Variants in TMEM45A observed in about 807,000 individuals in gnomAD.
TMEM45A encodes the protein transmembrane protein 45A, also known as DNA polymerase-transactivated protein 4.
In TMEM45A, 25 loss-of-function variants were observed where a neutral mutation model predicts 32.0. The observed-to-expected ratio is 0.78, with a 90% CI of 0.57 to 1.09. TMEM45A has a LOEUF of 1.09. Among genes scored for constraint, TMEM45A ranks in the 50% least tolerant of loss-of-function variants. The pLI is 0.00. For synonymous variants in TMEM45A, 122 were observed against 114.8 expected (o/e 1.06, Z -0.40); for missense variants, 302 against 325.0 (o/e 0.93, Z 0.54).
chr3:100,554,251 G>A (rs982830472), intron 1 of TMEM45A, among the ~76,000 whole-genome samples: 2 of 151,922 alleles, frequency 1.3e-5, no homozygotes, highest in African/African-American at 4.8e-5. Context: ...TCCACTATGT[G>A]GCAATAATGT....
intron 1 of TMEM45A, among the ~76,000 whole-genome samples, chr3:100,507,164 G>A (rs1375952639): frequency 6.6e-6 from 1 of 152,096 alleles, no homozygotes; most frequent in South Asian, 2.1e-4. Flanking sequence ...CTATTTGTCC[G>A]ATTCTCTCCC....
rs577941758 is a variant in TMEM45A, at chr3:100,520,230, T to C, written c.-4+27302T>C. On this transcript the variant is annotated intron_variant, in intron 1 of 5. Transcript: ENST00000323523. The stretch of plus-strand genomic sequence containing the variant: ...GGTATTGAGGCAATTTTAAATAAGG[T>C]GATGAGAGCAGGTCTCATTGAGAAA... Among the ~76,000 whole-genome samples the C allele has an allele frequency of 2.1e-4, 32 of 152,232 alleles. No individual in the cohort carries two copies. In the South Asian group the frequency reaches 6.7e-3, roughly 32 times the overall value.
intron 1 of TMEM45A, among the ~76,000 whole-genome samples, chr3:100,549,504 T>G (rs973317359): frequency 1.3e-5 from 2 of 152,138 alleles, no homozygotes; most frequent in African/African-American, 4.8e-5. Flanking sequence ...GATGGCAAGG[T>G]GAGTCACATC....
At chr3:100,502,047 T>G (rs760669188) in intron 1 of TMEM45A, among the ~76,000 whole-genome samples, 3 of 152,252 alleles carry the variant, frequency 2.0e-5, no homozygotes, top group Non-Finnish European at 4.4e-5. Flanking sequence ...CCTTAAAGAT[T>G]CCTCTAAAAA....
intron 1 of TMEM45A, among the ~76,000 whole-genome samples, chr3:100,509,048 AT>A (rs1382749255): frequency 6.6e-6 from 1 of 152,242 alleles, no homozygotes; most frequent in African/African-American, 2.4e-5. Flanking sequence ...GGAAGAAAGT[AT>A]TTTTTAACTA....
At chr3:100,540,961 C>G (rs1299597243) in intron 1 of TMEM45A, among the ~76,000 whole-genome samples, 1 of 152,156 alleles carries the variant, frequency 6.6e-6, no homozygotes, top group East Asian at 1.9e-4. Context: ...CAAGTGTTCC[C>G]TTTTCTACAA....
In TMEM45A at chr3:100,577,374, A is replaced by T; in HGVS notation, c.*356A>T. The T allele has an allele frequency of 5.6e-6, 1 of 177,748 alleles. No individual in the cohort carries two copies. Among genetic ancestry groups the T allele is most frequent in the Non-Finnish European group, 1.2e-5 (1 of 85,824 alleles). The allele number at this position is 177,748 out of a possible 1,614,324, so 11.0% of individuals were successfully genotyped here. A position where few individuals can be genotyped will look rare whatever the true frequency, so the allele number is the denominator to read the frequency against. ...GCTTGCTACTATTTGTAACTCCTTGACCATGGAATTATACTTGTTTATCTT... is the reference window on the plus strand; with the variant it reads ...GCTTGCTACTATTTGTAACTCCTTGTCCATGGAATTATACTTGTTTATCTT... On this transcript the variant is annotated 3_prime_UTR_variant, in exon 6 of 6. Transcript: ENST00000323523.
intron 4 of TMEM45A, among the ~76,000 whole-genome samples, chr3:100,568,036 C>T (rs575966922): frequency 6.5e-4 from 99 of 152,242 alleles, no homozygotes; most frequent in Middle Eastern, 3.4e-3. Context: ...CCACCCACCT[C>T]GGCCTCCCAA....
At chr3:100,565,816 C>A (rs987233111) in intron 4 of TMEM45A, among the ~76,000 whole-genome samples, 1 of 152,036 alleles carries the variant, frequency 6.6e-6, no homozygotes, top group African/African-American at 2.4e-5. Flanking sequence ...TTAAAGTGTA[C>A]AATTTAGTGG....
chr3:100,497,417 T>G lies in TMEM45A; in HGVS notation c.-4+4489T>G, dbSNP rs997721186. Among the ~76,000 whole-genome samples the G allele has an allele frequency of 2.6e-5, 4 of 152,260 alleles. No homozygotes were observed. In the East Asian group the frequency reaches 7.7e-4, roughly 29 times the overall value. ...TGTGGTAAAATATATAACATAAAAT[T>G]TACCATCTTAACCATTTTTAAGTAT... is the stretch of plus-strand genomic sequence containing the variant. On this transcript the variant is annotated intron_variant, in intron 1 of 5. Transcript: ENST00000323523.
In TMEM45A at chr3:100,576,040, C is replaced by T. The variant is rs562474504; in HGVS notation, c.735-885C>T. ...AGAAATGATCAAAGTTGGCTGGGCA[C>T]GGTGGCTCATGCCTATAATCGGAGC... On this transcript the variant is annotated intron_variant, in intron 5 of 5. Coordinates refer to ENST00000323523, the MANE Select transcript of TMEM45A (RefSeq NM_018004.3). Among the ~76,000 whole-genome samples, 6 of 152,224 alleles carry T rather than the reference C, an allele frequency of 3.9e-5. No homozygotes were observed. In the East Asian group the frequency reaches 5.8e-4, roughly 15 times the overall value.
chr3:100,550,521 G>A (rs564516615), intron 1 of TMEM45A, among the ~76,000 whole-genome samples: 9 of 152,284 alleles, frequency 5.9e-5, no homozygotes, highest in Admixed American at 1.3e-4. Flanking sequence ...TTTGGTGGTG[G>A]CGCAAGATGA....
chr3:100,573,913 G>T (rs1433139272), intron 5 of TMEM45A: 3 of 152,156 alleles, frequency 2.0e-5, no homozygotes, highest in Non-Finnish European at 4.4e-5. Flanking sequence ...ATTGATTTGT[G>T]TATGTTGAAC....
chr3:100,508,944 T>A (rs557620107), intron 1 of TMEM45A, among the ~76,000 whole-genome samples: 1 of 152,068 alleles, frequency 6.6e-6, no homozygotes, highest in African/African-American at 2.4e-5. Flanking sequence ...AAAGCACACA[T>A]AACAAAAACA....
intron 4 of TMEM45A, among the ~76,000 whole-genome samples, chr3:100,565,050 A>G (rs1706402800): frequency 4.6e-5 from 7 of 152,224 alleles, no homozygotes; most frequent in Admixed American, 3.9e-4. Context: ...GGGAGAAAGA[A>G]CATGGAGTTT....
intron 1 of TMEM45A, among the ~76,000 whole-genome samples, chr3:100,529,128 A>G (rs982653176): frequency 2.1e-4 from 32 of 152,194 alleles, no homozygotes; most frequent in Admixed American, 1.8e-3. Context: ...TTCCCCCATA[A>G]GACCTCAAAT....
chr3:100,505,883 T>A (rs1198809473), intron 1 of TMEM45A, among the ~76,000 whole-genome samples: 2 of 152,140 alleles, frequency 1.3e-5, no homozygotes. Context: ...GGAACTCAAG[T>A]GCAATTCAGA....
chr3:100,566,398 T>G (rs1706439852), intron 4 of TMEM45A, among the ~76,000 whole-genome samples: 1 of 152,188 alleles, frequency 6.6e-6, no homozygotes, highest in South Asian at 2.1e-4. Flanking sequence ...GATAAATGGA[T>G]GAATGTATTT....
chr3:100,518,627 A>G (rs1705349527), intron 1 of TMEM45A, among the ~76,000 whole-genome samples: 1 of 152,206 alleles, frequency 6.6e-6, no homozygotes, highest in African/African-American at 2.4e-5. Flanking sequence ...AAATGGCCTT[A>G]TTGACTGGCA....
Sources: gnomAD v4.1 joint callset for allele counts (sites outside exome capture counted in the v4.1 genomes callset) on GRCh38, gnomAD v4.1.1 for gene constraint, MANE v1.5 for transcripts, NCBI Gene and HGNC (gene_info 2026-07-23, HGNC 2026-07-21) for gene names.